Variants in SNTG2 observed in about 807,000 individuals in gnomAD.
SNTG2 encodes gamma-2-syntrophin.
A neutral mutation model predicts 70.9 loss-of-function variants in SNTG2; 74 were observed. The observed-to-expected ratio is 1.04, with a 90% confidence interval of 0.86 to 1.27. The LOEUF (loss-of-function observed/expected upper bound fraction) is 1.27, where lower values mean the gene tolerates loss of function less well. Ranked by LOEUF, SNTG2 falls within the 50% of genes most tolerant of loss-of-function variation. The pLI is 0.00. For missense variants in SNTG2, 717 were observed against 690.7 expected (o/e 1.04, Z -0.43); for synonymous variants, 278 against 273.8 (o/e 1.02, Z -0.15).
At position 1,009,044 on chromosome 2, in the gene SNTG2, A is replaced by G. The variant is rs1659648720; in HGVS notation, c.72+57976A>G. ...TGCACCTTTTTTTAGAGCACCTAGG[A>G]AAATATTTTCTAGAGAAACTCCTGG... is the stretch of plus-strand genomic sequence containing the variant. On this transcript the variant is annotated intron_variant, in intron 1 of 16. Transcript: ENST00000308624. Among the ~76,000 whole-genome samples, 2 of 119,470 alleles carry G rather than the reference A, an allele frequency of 1.7e-5. 1 individual carries two copies. The highest frequency in any genetic ancestry group is 5.5e-4 in the South Asian group (2 of 3,646). 78.4% of individuals were successfully genotyped at this position (119,470 alleles called of 152,430 possible). A position where few individuals can be genotyped will look rare whatever the true frequency, so the allele number is the denominator to read the frequency against.
chr2:988,733 T>C (rs1045595550), intron 1 of SNTG2, among the ~76,000 whole-genome samples: 1 of 152,190 alleles, frequency 6.6e-6, no homozygotes, highest in Middle Eastern at 3.2e-3. Context: ...TATGGGATTT[T>C]TTTTTTTGCA....
At chr2:1,189,987 G>C (rs1359544097) in intron 8 of SNTG2, among the ~76,000 whole-genome samples, 2 of 151,748 alleles carry the variant, frequency 1.3e-5, no homozygotes, top group Non-Finnish European at 2.9e-5. Context: ...TAAAACCTTT[G>C]GGAAGAAAAT....
intron 12 of SNTG2, among the ~76,000 whole-genome samples, chr2:1,248,360 C>T (rs766886772): frequency 6.6e-6 from 1 of 152,322 alleles, no homozygotes; most frequent in Admixed American, 6.5e-5. Flanking sequence ...GGCAAACCAC[C>T]ATTTGACAAT....
At chr2:1,143,847 T>G (rs548044356) in intron 6 of SNTG2, among the ~76,000 whole-genome samples, 31 of 150,690 alleles carry the variant, frequency 2.1e-4, no homozygotes, top group African/African-American at 6.6e-4. Flanking sequence ...CACTCCAGCC[T>G]GGGCGACAGA....
intron 1 of SNTG2, among the ~76,000 whole-genome samples, chr2:961,698 T>G (rs908888513): frequency 1.3e-5 from 2 of 152,240 alleles, no homozygotes; most frequent in African/African-American, 4.8e-5. Flanking sequence ...TTCTGAAATG[T>G]GGGTACATTC....
intron 1 of SNTG2, among the ~76,000 whole-genome samples, chr2:996,704 T>TTTTTTTTTTTTTTTTTTA: frequency 9.8e-6 from 1 of 102,290 alleles, no homozygotes; most frequent in Non-Finnish European, 2.0e-5. Context: ...TTTTTTTTTT[T>TTTTTTTTTTTTTTTTTTA]ACTACCACTA....
intron 6 of SNTG2, among the ~76,000 whole-genome samples, chr2:1,156,520 A>G (rs4971361): frequency 0.99 from 150,254 of 152,092 alleles, 74,244 homozygotes; most frequent in Middle Eastern, 1. Flanking sequence ...TAGAGTCCCC[A>G]GAGGATGAAC....
At chr2:1,174,024 C>A (rs1671306949) in intron 8 of SNTG2, among the ~76,000 whole-genome samples, 1 of 152,224 alleles carries the variant, frequency 6.6e-6, no homozygotes, top group Admixed American at 6.5e-5. Flanking sequence ...TTTGTACAAT[C>A]TATGTTTAAG....
chr2:1,221,943 CTGTCTCTGTCTCTGT>C lies in SNTG2; in HGVS notation c.719+12714_719+12728del, dbSNP rs1675037347. On this transcript the variant is annotated intron_variant, in intron 9 of 16. Coordinates refer to ENST00000308624, the MANE Select transcript of SNTG2 (RefSeq NM_018968.4). ...TCTCTCTGTCTCTCTCTGTCTCTGT[CTGTCTCTGTCTCTGT>C]CTCTCTCTGTCTCTGTCTCTGTCTC... is the stretch of plus-strand genomic sequence containing the variant. 1.1e-3 allele frequency among the ~76,000 whole-genome samples: 39 copies of C among 34,016 alleles called. 15 individuals are homozygous for C. Among genetic ancestry groups the C allele is most frequent in the African/African-American group, 6.8e-3 (35 of 5,180 alleles). The allele number at this position is 34,016 out of a possible 152,430, so 22.3% of individuals were successfully genotyped here.
chr2:1,023,068 A>T (rs1049233892), intron 1 of SNTG2, among the ~76,000 whole-genome samples: 33 of 152,070 alleles, frequency 2.2e-4, no homozygotes, highest in Non-Finnish European at 2.9e-4. Flanking sequence ...AGGAAAGAGG[A>T]TTTTTTAATG....
intron 6 of SNTG2, among the ~76,000 whole-genome samples, chr2:1,148,307 T>G (rs1228306299): frequency 1.3e-5 from 2 of 152,164 alleles, no homozygotes; most frequent in Admixed American, 1.3e-4. Flanking sequence ...GGCCCACTCC[T>G]TATTTCTCAC....
chr2:1,123,277 A>T (rs938113300), intron 4 of SNTG2, among the ~76,000 whole-genome samples: 4 of 152,206 alleles, frequency 2.6e-5, no homozygotes, highest in Non-Finnish European at 5.9e-5. Context: ...AAGAAAAAAA[A>T]AGTTGGAGGC....
At chr2:1,098,530 T>C in intron 4 of SNTG2, 120 bp downstream of exon 4, 1 of 1,056,650 alleles carries the variant, frequency 9.5e-7, no homozygotes, top group Non-Finnish European at 1.4e-6. Context: ...TTCCGTTTTA[T>C]TTTTGTAGCT....
intron 16 of SNTG2, among the ~76,000 whole-genome samples, chr2:1,324,413 A>C (rs949429099): frequency 1.3e-5 from 2 of 152,238 alleles, no homozygotes; most frequent in Admixed American, 1.3e-4. Context: ...AATATAGTGC[A>C]TATAAGGATT....
chr2:1,014,944 T>C (rs1054583154), intron 1 of SNTG2, among the ~76,000 whole-genome samples: 2 of 151,522 alleles, frequency 1.3e-5, no homozygotes, highest in African/African-American at 4.9e-5. Context: ...GGGGCAGCCT[T>C]GAGGGGTGGA....
intron 1 of SNTG2, among the ~76,000 whole-genome samples, chr2:975,833 C>T (rs1660891862): frequency 1.3e-5 from 2 of 152,108 alleles, no homozygotes; most frequent in Admixed American, 6.5e-5. Context: ...TGTTTATTCC[C>T]CAAGATCTCT....
At chr2:1,230,595 T>C (rs901115674) in intron 9 of SNTG2, among the ~76,000 whole-genome samples, 2 of 152,202 alleles carry the variant, frequency 1.3e-5, no homozygotes, top group Admixed American at 1.3e-4. Flanking sequence ...TGGATGCTGG[T>C]TGTGCATCCC....
intron 6 of SNTG2, among the ~76,000 whole-genome samples, chr2:1,154,730 CT>C (rs1412605333): frequency 1.3e-5 from 2 of 152,092 alleles, no homozygotes. Context: ...TTAATTCCCC[CT>C]ATTTAAGGAA....
intron 4 of SNTG2, among the ~76,000 whole-genome samples, chr2:1,099,746 A>G (rs1665661822): frequency 1.4e-5 from 2 of 142,998 alleles, no homozygotes; most frequent in Admixed American, 1.4e-4. Flanking sequence ...TTTGCTGCAG[A>G]GATTGCCCCA....
Sources: allele counts gnomAD v4.1 joint callset (sites outside exome capture counted in the v4.1 genomes callset), GRCh38; gene constraint gnomAD v4.1.1; transcripts MANE v1.5; gene names NCBI Gene and HGNC (gene_info 2026-07-23, HGNC 2026-07-21).